Variants in ABHD2 observed in about 807,000 individuals in gnomAD.
ABHD2 encodes abhydrolase domain containing 2, acylglycerol lipase.
A neutral mutation model predicts 48.1 loss-of-function variants in ABHD2; 20 were observed. That is an observed-to-expected ratio of 0.42 (90% CI 0.29 to 0.60). ABHD2 has a LOEUF of 0.60. Ranked by LOEUF, ABHD2 falls within the 20% of genes least tolerant of loss-of-function variation. The pLI is 0.24. For missense variants in ABHD2, 405 were observed against 550.9 expected (o/e 0.74, Z 2.65); for synonymous variants, 209 against 214.2 (o/e 0.98, Z 0.21).
At chr15:89,187,565 G>A (rs1013458914) in intron 7 of ABHD2, among the ~76,000 whole-genome samples, 5 of 152,062 alleles carry the variant, frequency 3.3e-5, no homozygotes, top group African/African-American at 1.2e-4. Context: ...AAAAATGCAC[G>A]TTGTGACCCC....
At chr15:89,062,854 T>G in the ABHD2 span, among the ~76,000 whole-genome samples, 2 of 152,122 alleles carry the variant, frequency 1.3e-5, no homozygotes, top group Admixed American at 1.3e-4. Context: ...CTTATTGATT[T>G]CCGGTGCTTA....
the ABHD2 span, among the ~76,000 whole-genome samples, chr15:89,069,897 C>G: frequency 2.6e-5 from 4 of 151,978 alleles, no homozygotes; most frequent in Non-Finnish European, 4.4e-5. Flanking sequence ...CCAGGTTAGT[C>G]TTGAACTCCT....
chr15:89,156,712 ACT>A (rs571164355), intron 5 of ABHD2, among the ~76,000 whole-genome samples: 14 of 140,788 alleles, frequency 9.9e-5, no homozygotes, highest in African/African-American at 3.7e-4. Flanking sequence ...ACAGAGCAAG[ACT>A]CTGTCTGAAA....
the ABHD2 span, among the ~76,000 whole-genome samples, chr15:89,072,747 T>C: frequency 1.3e-5 from 2 of 152,306 alleles, no homozygotes; most frequent in Admixed American, 6.5e-5. Flanking sequence ...TTCTTATTGA[T>C]GTCTGACAAG....
intron 3 of ABHD2, among the ~76,000 whole-genome samples, chr15:89,117,622 A>G (rs1453902142): frequency 6.6e-6 from 1 of 151,384 alleles, no homozygotes; most frequent in Non-Finnish European, 1.5e-5. Flanking sequence ...GCAGCTACTC[A>G]GAGAGATGTC....
At position 89,176,936 on chromosome 15, in the gene ABHD2, C is replaced by G. The variant is rs2051024003; in HGVS notation, c.722+941C>G. On this transcript the variant is annotated intron_variant, in intron 6 of 10. Coordinates refer to ENST00000352732, the MANE Select transcript of ABHD2 (RefSeq NM_152924.5). The surrounding 1 kb of genome is among the most constrained non-coding windows in gnomAD (Gnocchi z 4.5). ...ATCTCATGCTGCAGTTTAAACATAC[C>G]TTGTTACTTTCTGATGGATAGAGGC... Among the ~76,000 whole-genome samples, 1 of 152,076 alleles carries G rather than the reference C, an allele frequency of 6.6e-6. No homozygotes were observed. The highest frequency in any genetic ancestry group is 1.5e-5 in the Non-Finnish European group (1 of 68,028).
intron 3 of ABHD2, among the ~76,000 whole-genome samples, chr15:89,143,100 G>C (rs569640166): frequency 6.6e-6 from 1 of 151,448 alleles, no homozygotes; most frequent in South Asian, 2.1e-4. Flanking sequence ...TCGTTTTTTT[G>C]TCCGTGTCAT....
chr15:89,077,571 C>T, the ABHD2 span, among the ~76,000 whole-genome samples: 1 of 152,050 alleles, frequency 6.6e-6, no homozygotes, highest in African/African-American at 2.4e-5. Flanking sequence ...ATTATTTTAC[C>T]TCTCTGGCCT....
rs1041410623 is a variant in ABHD2, at chr15:89,097,893, T to C, written c.-107+9330T>C. ...ATGGAATTATACATGTTAGCAAATT[T>C]CTTGTTTTTTCTTTTTTGAGACAGT... is the stretch of plus-strand genomic sequence containing the variant. On this transcript the variant is annotated intron_variant, in intron 1 of 10. Coordinates refer to ENST00000352732, the MANE Select transcript of ABHD2 (RefSeq NM_152924.5). This position sits in a 1 kb window ranked among gnomAD's most constrained non-coding sequence, Gnocchi z 4.2. Among the ~76,000 whole-genome samples the C allele has an allele frequency of 6.6e-6, 1 of 152,190 alleles. No homozygotes were observed. The highest frequency in any genetic ancestry group is 1.9e-4 in the East Asian group (1 of 5,202).
chr15:89,139,843 CG>C (rs1214409576), intron 3 of ABHD2, among the ~76,000 whole-genome samples: 2 of 152,280 alleles, frequency 1.3e-5, no homozygotes, highest in African/African-American at 4.8e-5. Context: ...GGAAACATCC[CG>C]AGCCTATGTC....
intron 3 of ABHD2, among the ~76,000 whole-genome samples, chr15:89,123,665 A>G (rs1353763935): frequency 1.5e-5 from 2 of 136,658 alleles, no homozygotes; most frequent in Non-Finnish European, 1.5e-5. Flanking sequence ...TGGCACAATC[A>G]TGGCTCATTG....
chr15:89,049,173 T>TGG, the ABHD2 span, among the ~76,000 whole-genome samples: 7 of 152,160 alleles, frequency 4.6e-5, no homozygotes, highest in Non-Finnish European at 7.3e-5. Flanking sequence ...CTGCCCCTGC[T>TGG]GGGGGGTGCC....
intron 5 of ABHD2, among the ~76,000 whole-genome samples, chr15:89,172,801 G>A (rs1394830209): frequency 1.3e-5 from 2 of 152,134 alleles, no homozygotes; most frequent in East Asian, 1.9e-4. Context: ...CCAAGGTAAC[G>A]GTATTTTGCA....
chr15:89,131,935 G>T (rs1012553717), intron 3 of ABHD2, among the ~76,000 whole-genome samples: 2 of 152,144 alleles, frequency 1.3e-5, no homozygotes, highest in African/African-American at 2.4e-5. Context: ...ATAAAGGCAA[G>T]TGTGGGATGG....
At chr15:89,065,314 T>C in the ABHD2 span, among the ~76,000 whole-genome samples, 7 of 152,296 alleles carry the variant, frequency 4.6e-5, no homozygotes, top group African/African-American at 1.7e-4. Flanking sequence ...TCATTGTCCA[T>C]AGCACATTTT....
intron 3 of ABHD2, among the ~76,000 whole-genome samples, chr15:89,131,883 A>G (rs1332243538): frequency 6.6e-6 from 1 of 152,152 alleles, no homozygotes; most frequent in Non-Finnish European, 1.5e-5. Context: ...GAAAACTGAA[A>G]TTGAAGAACC....
upstream of ABHD2, chr15:89,087,234 G>A (rs1247665250): frequency 6.6e-6 from 1 of 152,256 alleles, no homozygotes; most frequent in East Asian, 1.9e-4. This position sits in a 1 kb window ranked among gnomAD's most constrained non-coding sequence, Gnocchi z 5.5. Flanking sequence ...CATAAAACTT[G>A]AGCCAGCCCA....
At position 89,151,289 on chromosome 15, in the gene ABHD2, G is replaced by A. The variant is rs938630349; in HGVS notation, c.195-388G>A. Among the ~76,000 whole-genome samples, 3 of 152,308 alleles carry A rather than the reference G, an allele frequency of 2.0e-5. No homozygotes were observed. The highest frequency in any genetic ancestry group is 2.9e-5 in the Non-Finnish European group (2 of 68,026). ...AAGTGAGCTTTTAGTGAGTGTAGGC[G>A]CTATGCTATTTCATATACATCAGCT... On this transcript the variant is annotated intron_variant, in intron 3 of 10. Transcript: ENST00000352732. This position sits in a 1 kb window ranked among gnomAD's most constrained non-coding sequence, Gnocchi z 4.7.
rs2049958393 is a variant in ABHD2, at chr15:89,116,262, G to T, written c.-6-60G>T. 1 of 1,498,936 alleles carries T rather than the reference G, an allele frequency of 6.7e-7. No homozygotes were observed. The allele number at this position is 1,498,936 out of a possible 1,614,324, so 92.9% of individuals were successfully genotyped here. Reference sequence around the variant, plus strand: ...TTAGCCCACCATGCGTCTGTAGGGTGGTGGGCACCACCCGTCCTCACTGTG... The same window carrying T: ...TTAGCCCACCATGCGTCTGTAGGGTTGTGGGCACCACCCGTCCTCACTGTG... On this transcript the variant is annotated intron_variant, in intron 2 of 10. Coordinates refer to ENST00000352732, the MANE Select transcript of ABHD2 (RefSeq NM_152924.5). The surrounding 1 kb of genome is among the most constrained non-coding windows in gnomAD (Gnocchi z 4.6).
Sources: gnomAD v4.1 joint callset for allele counts (sites outside exome capture counted in the v4.1 genomes callset) on GRCh38, gnomAD v4.1.1 for gene constraint, Gnocchi (gnomAD v3.1) non-coding constraint, MANE v1.5 for transcripts, NCBI Gene and HGNC (gene_info 2026-07-23, HGNC 2026-07-21) for gene names.